Variants in VPS26A observed in about 807,000 individuals in gnomAD.
The protein encoded by VPS26A is VPS26 retromer complex component A.
A neutral mutation model predicts 42.4 loss-of-function variants in VPS26A; 22 were observed. That is an observed-to-expected ratio of 0.52 (90% CI 0.37 to 0.74). The LOEUF (loss-of-function observed/expected upper bound fraction) is 0.74. Among genes scored for constraint, VPS26A ranks in the 30% least tolerant of loss-of-function variants. The pLI is 0.00. For missense variants in VPS26A, 276 were observed against 379.2 expected (o/e 0.73, Z 2.26); for synonymous variants, 110 against 123.5 (o/e 0.89, Z 0.73).
In VPS26A at chr10:69,173,770, C is replaced by G. The variant is rs368951408; in HGVS notation, c.*2501C>G. 1.5e-4 allele frequency among the ~76,000 whole-genome samples: 23 copies of G among 152,214 alleles called. No individual in the cohort carries two copies. The South Asian group carries it at 4.4e-3, about 29-fold the overall frequency. ...ATCCCAGCACTTTGGGAGGCTGAGGCGGGCAGATCACCTGAGTTCCAGGAG... is the reference window on the plus strand; with the variant it reads ...ATCCCAGCACTTTGGGAGGCTGAGGGGGGCAGATCACCTGAGTTCCAGGAG... On this transcript the variant is annotated 3_prime_UTR_variant, in exon 9 of 9. Transcript: ENST00000263559.
rs1234184687 is a variant in VPS26A at position 69,156,959 on chromosome 10, G to A, written c.230-48G>A. On this transcript the variant is annotated intron_variant, in intron 3 of 8. Transcript: ENST00000263559. ...TTGAAGTAGATGTCTGGGTTTTATT[G>A]AAATGGCTATTAAATAATTGGTCTT... 10 of 1,505,502 alleles carry A rather than the reference G, an allele frequency of 6.6e-6. No homozygotes were observed. In the South Asian group the frequency reaches 1.3e-4, roughly 19 times the overall value. 93.3% of individuals were successfully genotyped at this position (1,505,502 alleles called of 1,614,324 possible).
At chr10:69,135,277 CT>C (rs1840880832) in intron 2 of VPS26A, among the ~76,000 whole-genome samples, 1 of 152,146 alleles carries the variant, frequency 6.6e-6, no homozygotes, top group African/African-American at 2.4e-5. Context: ...GGTTTATTTA[CT>C]GTTTTTAAGT....
At chr10:69,128,597 G>A (rs1430028499) in intron 1 of VPS26A, among the ~76,000 whole-genome samples, 1 of 151,996 alleles carries the variant, frequency 6.6e-6, no homozygotes, top group Non-Finnish European at 1.5e-5. Context: ...TATGCATGTG[G>A]AAAAAAGTTA....
chr10:69,138,938 T>A (rs1840981416), intron 2 of VPS26A, among the ~76,000 whole-genome samples: 1 of 152,260 alleles, frequency 6.6e-6, no homozygotes, highest in East Asian at 1.9e-4. Context: ...TAAAAAAAAT[T>A]TAGCATTTGC....
chr10:69,158,569 C>T (rs930656719), intron 5 of VPS26A, among the ~76,000 whole-genome samples: 6 of 151,668 alleles, frequency 4.0e-5, no homozygotes, highest in African/African-American at 7.3e-5. Context: ...CTGTTAATGT[C>T]TCCTTGTATA....
At chr10:69,145,307 T>A (rs1391300396) in intron 2 of VPS26A, among the ~76,000 whole-genome samples, 1 of 152,214 alleles carries the variant, frequency 6.6e-6, no homozygotes, top group Non-Finnish European at 1.5e-5. Flanking sequence ...AGTGCAGGGA[T>A]TACAGGTGTG....
rs1288639716 is a variant in VPS26A at position 69,173,916 on chromosome 10, C to T, written c.*2647C>T. Among the ~76,000 whole-genome samples, 1 of 151,080 alleles carries T rather than the reference C, an allele frequency of 6.6e-6. No individual in the cohort carries two copies. Among genetic ancestry groups the T allele is most frequent in the Admixed American group, 6.6e-5 (1 of 15,256 alleles). On this transcript the variant is annotated 3_prime_UTR_variant, in exon 9 of 9. Coordinates refer to ENST00000263559, the MANE Select transcript of VPS26A (RefSeq NM_004896.5). ...GGAGGCTGAGGCAGAATTGCTTGAACCCGGGAGGCAGAGGTTGCAGTGAGC... is the reference window on the plus strand; with the variant it reads ...GGAGGCTGAGGCAGAATTGCTTGAATCCGGGAGGCAGAGGTTGCAGTGAGC...
At chr10:69,145,469 TAC>T (rs1841136223) in intron 2 of VPS26A, among the ~76,000 whole-genome samples, 1 of 152,228 alleles carries the variant, frequency 6.6e-6, no homozygotes, top group Non-Finnish European at 1.5e-5. Flanking sequence ...CCAGGATGTA[TAC>T]TGAAAAAGCC....
At chr10:69,144,402 A>C (rs1296838750) in intron 2 of VPS26A, among the ~76,000 whole-genome samples, 1 of 152,138 alleles carries the variant, frequency 6.6e-6, no homozygotes, top group African/African-American at 2.4e-5. Flanking sequence ...CCTGTGTTTC[A>C]TTCACCTAGT....
In VPS26A at chr10:69,133,035, C is replaced by T. The variant is rs5030932; in HGVS notation, c.141C>T (p.Ser47=). Residue 47 remains serine, a synonymous_variant, in exon 2 of 9, where the codon TCC becomes TCT. Transcript: ENST00000263559. ...ACTATCTCTTCTATGACGGAGAATC[C>T]GTTTCAGGAAAGGTAAATCTTCTGT... is the stretch of plus-strand genomic sequence containing the variant. ...EKHYLFYDGE[S]VSGKVNLAFK... 0.22 allele frequency: 349,417 copies of T among 1,599,034 alleles called. 40,944 individuals carry two copies. Among genetic ancestry groups the T allele is most frequent in the African/African-American group, 0.25 (18,686 of 73,868 alleles).
At position 69,168,627 on chromosome 10, in the gene VPS26A, A is replaced by C; in HGVS notation, c.866A>C (p.Gln289Pro). ...VDEEDRRYFK[Q>P]QEIILWRKAP... Reference sequence around the variant, plus strand: ...GAGGAAGACCGGAGGTACTTCAAACAGCAGGTATGGTGCCACTTGGGCTGG... The same window carrying C: ...GAGGAAGACCGGAGGTACTTCAAACCGCAGGTATGGTGCCACTTGGGCTGG... The change falls in exon 8 of 9, where the codon CAG becomes CCG. Residue 289 changes from glutamine (Q) to proline (P), a missense_variant. Transcript: ENST00000263559. 3 of 1,613,288 alleles carry C rather than the reference A, an allele frequency of 1.9e-6. No homozygotes were observed. Among genetic ancestry groups the C allele is most frequent in the Non-Finnish European group, 2.5e-6 (3 of 1,179,622 alleles).
At chr10:69,136,194 A>G (rs1840903547) in intron 2 of VPS26A, among the ~76,000 whole-genome samples, 1 of 151,962 alleles carries the variant, frequency 6.6e-6, no homozygotes, top group African/African-American at 2.4e-5. Context: ...TGGCAAGAAT[A>G]TAGGTGGTGG....
At chr10:69,143,539 A>G (rs1841089059) in intron 2 of VPS26A, among the ~76,000 whole-genome samples, 1 of 152,098 alleles carries the variant, frequency 6.6e-6, no homozygotes, top group Non-Finnish European at 1.5e-5. Context: ...TGCTTTTTAG[A>G]GATACGCAAA....
chr10:69,130,015 G>A (rs2132184231), intron 1 of VPS26A, among the ~76,000 whole-genome samples: 1 of 152,296 alleles, frequency 6.6e-6, no homozygotes, highest in South Asian at 2.1e-4. Flanking sequence ...CCTAAGTGAG[G>A]ACAGAACTGA....
chr10:69,172,842 T>C lies in VPS26A; in HGVS notation c.*1573T>C. Reference sequence around the variant, plus strand: ...CAAATTGTGCAACCATGATGTATAATAAAGAATTTGAAACAGAAACTGAGC... The same window carrying C: ...CAAATTGTGCAACCATGATGTATAACAAAGAATTTGAAACAGAAACTGAGC... On this transcript the variant is annotated 3_prime_UTR_variant, in exon 9 of 9. Coordinates refer to ENST00000263559, the MANE Select transcript of VPS26A (RefSeq NM_004896.5). 6.6e-6 allele frequency: 1 copy of C among 152,512 alleles called. No individual in the cohort carries two copies. Among genetic ancestry groups the C allele is most frequent in the East Asian group, 1.9e-4 (1 of 5,204 alleles). The allele number at this position is 152,512 out of a possible 1,614,324, so 9.4% of individuals were successfully genotyped here.
intron 2 of VPS26A, among the ~76,000 whole-genome samples, chr10:69,148,257 C>A (rs1841208969): frequency 6.6e-6 from 1 of 151,940 alleles, no homozygotes; most frequent in African/African-American, 2.4e-5. Flanking sequence ...ATTTTTATTT[C>A]TTTTTTAGAA....
At chr10:69,132,686 G>A (rs748311118) in intron 1 of VPS26A, among the ~76,000 whole-genome samples, 2 of 151,920 alleles carry the variant, frequency 1.3e-5, no homozygotes, top group African/African-American at 2.4e-5. Flanking sequence ...CAGGTGATCC[G>A]CCCACCTCAG....
intron 5 of VPS26A, among the ~76,000 whole-genome samples, chr10:69,159,365 A>AGG (rs1841501674): frequency 6.6e-6 from 1 of 150,930 alleles, no homozygotes; most frequent in Admixed American, 6.6e-5. Flanking sequence ...TGGGTGACAG[A>AGG]GGGAGACTCC....
intron 2 of VPS26A, among the ~76,000 whole-genome samples, chr10:69,154,907 A>G (rs1841399179): frequency 6.6e-6 from 1 of 151,952 alleles, no homozygotes; most frequent in Non-Finnish European, 1.5e-5. Context: ...GTGCGTGCAC[A>G]TATATATATT....
Sources: gnomAD v4.1 joint callset for allele counts (sites outside exome capture counted in the v4.1 genomes callset) on GRCh38, gnomAD v4.1.1 for gene constraint, MANE v1.5 for transcripts, NCBI Gene and HGNC (gene_info 2026-07-23, HGNC 2026-07-21) for gene names.